TMEM232: variants seen among roughly 807,000 people sequenced by gnomAD.
The protein encoded by TMEM232 is transmembrane protein 232.
A neutral mutation model predicts 78.8 loss-of-function variants in TMEM232; 80 were observed. That is an observed-to-expected ratio of 1.01 (90% CI 0.85 to 1.22). The LOEUF is 1.22. TMEM232 is among the 50% of genes most tolerant of loss of function. The pLI is 0.00. For missense variants in TMEM232, 881 were observed against 742.2 expected, an observed-to-expected ratio of 1.19 and a Z score of -2.17; for synonymous variants, 297 against 254.3, an observed-to-expected ratio of 1.17 and a Z score of -1.60.
At chr5:110,539,720 C>T (rs1318100085) in intron 11 of TMEM232, among the ~76,000 whole-genome samples, 2 of 152,134 alleles carry the variant, frequency 1.3e-5, no homozygotes, top group Admixed American at 6.6e-5. Context: ...CCTTCTTGTG[C>T]GTAGCCCAAC....
intron 2 of TMEM232, among the ~76,000 whole-genome samples, chr5:110,733,218 G>A (rs754616365): frequency 6.6e-6 from 1 of 152,052 alleles, no homozygotes; most frequent in Non-Finnish European, 1.5e-5. Context: ...AGTGAAAAGG[G>A]AACAAACTCT....
chr5:110,593,481 G>GTAAATTTTTT (rs1331043034), intron 10 of TMEM232, among the ~76,000 whole-genome samples: 5 of 152,148 alleles, frequency 3.3e-5, no homozygotes, highest in Non-Finnish European at 7.4e-5. Context: ...TCTGTTGAGA[G>GTAAATTTTTT]ACACTTGTAA....
At chr5:110,693,847 C>T (rs1421045516) in intron 1 of TMEM232, among the ~76,000 whole-genome samples, 4 of 152,036 alleles carry the variant, frequency 2.6e-5, no homozygotes, top group Admixed American at 6.6e-5. Context: ...CTGAAAGTGA[C>T]GGGGAGAATG....
chr5:110,610,583 A>T (rs1388847952), intron 8 of TMEM232: 2 of 456,000 alleles, frequency 4.4e-6, no homozygotes, highest in Non-Finnish European at 8.8e-6. Flanking sequence ...AAAGCACAGG[A>T]TTTGCCTCAA....
In TMEM232 at chr5:110,605,298, C is replaced by T. The variant is rs1781409053; in HGVS notation, c.1087G>A (p.Val363Ile). ...WAWNVVYIYT[V>I]ILAEICLYAA... The stretch of plus-strand genomic sequence containing the variant: ...TACAAGCAGATTTCTGCAAGAATTA[C>T]TGTATATATGTAGACTACATTCCAG... The change falls in exon 10 of 14, where the codon GTA becomes ATA. Residue 363 changes from valine to isoleucine, a missense_variant. By Grantham distance (29) the Val-to-Ile change is conservative. Transcript: ENST00000455884. The T allele has an allele frequency of 6.4e-7, 1 of 1,551,306 alleles. No homozygotes were observed.
At chr5:110,734,002 A>C (rs564710288) in intron 2 of TMEM232, among the ~76,000 whole-genome samples, 2 of 152,328 alleles carry the variant, frequency 1.3e-5, no homozygotes, top group African/African-American at 4.8e-5. Flanking sequence ...AACTTACTAA[A>C]AGATAAAATT....
chr5:110,534,637 T>C (rs538889250), intron 11 of TMEM232, among the ~76,000 whole-genome samples: 12 of 152,166 alleles, frequency 7.9e-5, no homozygotes, highest in African/African-American at 2.9e-4. Context: ...CCTGCTCTTG[T>C]TTACACTGCT....
At chr5:110,568,376 C>T (rs1183546569) in intron 11 of TMEM232, 71 bp downstream of exon 11, 2 of 1,345,382 alleles carry the variant, frequency 1.5e-6, no homozygotes, top group South Asian at 1.5e-5. Context: ...TTCCTTTTAC[C>T]ATGGAGAGAA....
At chr5:110,469,538 T>C (rs1220086899) in intron 12 of TMEM232, among the ~76,000 whole-genome samples, 3 of 152,226 alleles carry the variant, frequency 2.0e-5, no homozygotes, top group African/African-American at 4.8e-5. Context: ...TGCTGCACTC[T>C]GAACCATGGA....
At chr5:110,708,246 AT>A (rs1162165340) in intron 1 of TMEM232, among the ~76,000 whole-genome samples, 3 of 152,192 alleles carry the variant, frequency 2.0e-5, no homozygotes, top group African/African-American at 7.2e-5. Context: ...TCTGGTGAAA[AT>A]ATCCTTCAAG....
intron 12 of TMEM232, among the ~76,000 whole-genome samples, chr5:110,428,804 A>C (rs75545505): frequency 0.023 from 3,505 of 151,886 alleles, 127 homozygotes; most frequent in African/African-American, 0.08. Flanking sequence ...TACTTTAATC[A>C]CATCTACAAA....
At chr5:110,411,570 A>G (rs536727976) in intron 2 of TMEM232, among the ~76,000 whole-genome samples, 29 of 152,324 alleles carry the variant, frequency 1.9e-4, no homozygotes, top group Admixed American at 2.0e-4. Flanking sequence ...TTCATCATAT[A>G]AAACTAAAAC....
intron 12 of TMEM232, among the ~76,000 whole-genome samples, chr5:110,522,995 A>G (rs1769774120): frequency 6.6e-6 from 1 of 152,136 alleles, no homozygotes; most frequent in Non-Finnish European, 1.5e-5. Context: ...TTAATTGTTC[A>G]GATGTTTAGT....
intron 1 of TMEM232, among the ~76,000 whole-genome samples, chr5:110,682,915 G>A (rs1044000277): frequency 6.6e-5 from 10 of 152,196 alleles, no homozygotes; most frequent in African/African-American, 2.2e-4. Context: ...TCAGACTTCT[G>A]TGTGGTATGG....
At chr5:110,738,793 A>C, upstream of TMEM232, 2 of 436,146 alleles carry the variant, frequency 4.6e-6, no homozygotes, top group South Asian at 3.0e-5. Flanking sequence ...TGCAGGCCCT[A>C]TTCCTACACC....
At chr5:110,620,941 C>A (rs1414378659) in intron 7 of TMEM232, among the ~76,000 whole-genome samples, 1 of 141,742 alleles carries the variant, frequency 7.1e-6, no homozygotes, top group African/African-American at 2.7e-5. Flanking sequence ...TGGCTCACTG[C>A]AACCTCCGCC....
chr5:110,579,267 A>C (rs192318251), intron 10 of TMEM232, among the ~76,000 whole-genome samples: 2 of 151,828 alleles, frequency 1.3e-5, no homozygotes, highest in East Asian at 3.9e-4. Flanking sequence ...GTTTAAAAAA[A>C]AAAAACCGAA....
At chr5:110,401,995 G>A (rs866452997) in intron 2 of TMEM232, among the ~76,000 whole-genome samples, 1 of 152,100 alleles carries the variant, frequency 6.6e-6, no homozygotes, top group African/African-American at 2.4e-5. Flanking sequence ...CATTGCACTG[G>A]CACTGGTGTT....
intron 1 of TMEM232, among the ~76,000 whole-genome samples, chr5:110,719,089 A>G (rs910333417): frequency 6.6e-6 from 1 of 152,044 alleles, no homozygotes; most frequent in Non-Finnish European, 1.5e-5. Context: ...ATGGTTTGCC[A>G]TGATAGTCTT....
Sources: allele counts gnomAD v4.1 joint callset (sites outside exome capture counted in the v4.1 genomes callset), GRCh38; gene constraint gnomAD v4.1.1; transcripts MANE v1.5; gene names NCBI Gene and HGNC (gene_info 2026-07-23, HGNC 2026-07-21).